ANKS1A: variants seen among roughly 807,000 people sequenced by gnomAD.
ANKS1A encodes ankyrin repeat and sterile alpha motif domain containing 1A, also known as ankyrin repeat and SAM domain-containing protein 1A.
In ANKS1A, 55 loss-of-function variants were observed where a neutral mutation model predicts 120.3. That is an observed-to-expected ratio of 0.46 (90% CI 0.37 to 0.57). The LOEUF is 0.57. ANKS1A is among the 20% of genes least tolerant of loss of function. The probability of loss-of-function intolerance (pLI) is 0.00; values close to 1 mark genes in which losing one functional copy is unlikely to be tolerated. For missense variants in ANKS1A, 1,123 were observed against 1,480.3 expected (o/e 0.76, Z 3.96); for synonymous variants, 590 against 604.7 (o/e 0.98, Z 0.36).
chr6:35,030,836 A>G (rs963513158), intron 11 of ANKS1A, among the ~76,000 whole-genome samples: 1 of 152,150 alleles, frequency 6.6e-6, no homozygotes. Flanking sequence ...CAGGCACGCC[A>G]GTTTCTTCTC....
In ANKS1A at chr6:34,889,525, GGGCGGC is replaced by G. The variant is rs71538280; in HGVS notation, c.133_138del (p.Gly45_Gly46del). 8.7e-4 allele frequency: 1,110 copies of G among 1,272,164 alleles called. 8 individuals carry two copies. The African/African-American group carries it at 0.016, about 18-fold the overall frequency. 78.8% of individuals were successfully genotyped at this position (1,272,164 alleles called of 1,614,324 possible). On this transcript the variant is annotated inframe_deletion, in exon 1 of 24. Transcript: ENST00000360359. The surrounding 1 kb of genome is among the most constrained non-coding windows in gnomAD (Gnocchi z 5.5). ...GGGGCGGCGGCGGCGGTGGCTCTGGGGGCGGCGGCGGCGGCAGCGGCGGCGGCGGCG... is the reference window on the plus strand; with the variant it reads ...GGGGCGGCGGCGGCGGTGGCTCTGGGGGCGGCGGCAGCGGCGGCGGCGGCG...
intron 11 of ANKS1A, among the ~76,000 whole-genome samples, chr6:35,043,973 C>T (rs1775600284): frequency 6.6e-6 from 1 of 152,210 alleles, no homozygotes; most frequent in South Asian, 2.1e-4. Context: ...AAAAAATGAT[C>T]TCATTATTGA....
intron 11 of ANKS1A, among the ~76,000 whole-genome samples, chr6:35,046,954 C>G (rs1422750652): frequency 6.6e-6 from 1 of 152,186 alleles, no homozygotes; most frequent in East Asian, 1.9e-4. Flanking sequence ...GTTTTCCACT[C>G]TAAATTTTGC....
intron 1 of ANKS1A, among the ~76,000 whole-genome samples, chr6:34,936,831 T>C (rs1769281079): frequency 6.6e-6 from 1 of 152,214 alleles, no homozygotes; most frequent in Non-Finnish European, 1.5e-5. Context: ...GGAGCTAAAA[T>C]TCTATAAGAA....
intron 14 of ANKS1A, among the ~76,000 whole-genome samples, chr6:35,079,301 C>A (rs576811145): frequency 2.0e-5 from 3 of 152,130 alleles, no homozygotes; most frequent in African/African-American, 4.8e-5. Flanking sequence ...CCAGCCCTGT[C>A]GGTGCTCCAG....
rs766558758 is a variant in ANKS1A at position 34,981,718 on chromosome 6, G to C, written c.464G>C (p.Cys155Ser). The C allele has an allele frequency of 6.2e-6, 10 of 1,614,058 alleles. No individual in the cohort carries two copies. The highest frequency in any genetic ancestry group is 1.3e-5 in the African/African-American group (1 of 74,896). The part of the protein sequence containing the change: ...QNNDNETALH[C>S]AAQYGHTEVV... ...AATGACAACGAGACAGCCCTGCATT[G>C]TGCAGCGCAGTATGGCCACACAGAG... The change falls in exon 4 of 24, where the codon TGT (cysteine) becomes TCT (serine). Residue 155 changes from cysteine (C) to serine (S), a missense_variant. Physicochemically the swap from Cys to Ser is moderately radical, Grantham distance 112. This residue lies in a region of ANKS1A where 146 missense variants were observed against 267.8 expected (regional missense o/e 0.55). Transcript: ENST00000360359.
chr6:35,073,011 A>G (rs1777156304), intron 13 of ANKS1A, among the ~76,000 whole-genome samples: 1 of 152,190 alleles, frequency 6.6e-6, no homozygotes, highest in African/African-American at 2.4e-5. Flanking sequence ...GGCCTTGGAT[A>G]AGTCCAGTCT....
rs145297691 is a variant in ANKS1A, at chr6:35,066,809, T to C, written c.2184+6556T>C. 7.2e-5 allele frequency among the ~76,000 whole-genome samples: 11 copies of C among 152,264 alleles called. No individual in the cohort carries two copies. In the East Asian group the frequency reaches 2.1e-3, roughly 29 times the overall value. On this transcript the variant is annotated intron_variant, in intron 13 of 23. Transcript: ENST00000360359. ...AGAGCTGTGGGTGGGTCAGGCCAAGTGGTTCCTGCTCCTTCTGCCAGCTGT... is the reference window on the plus strand; with the variant it reads ...AGAGCTGTGGGTGGGTCAGGCCAAGCGGTTCCTGCTCCTTCTGCCAGCTGT...
At chr6:35,070,399 C>T (rs944480865) in intron 13 of ANKS1A, among the ~76,000 whole-genome samples, 11 of 150,866 alleles carry the variant, frequency 7.3e-5, no homozygotes, top group Non-Finnish European at 1.5e-4. Context: ...GAATAGAAAA[C>T]ACTTACCATC....
Position 35,086,139 on chromosome 6 carries a change from G to GCTC in ANKS1A, c.3303+206_3303+208dup. The stretch of plus-strand genomic sequence containing the variant: ...CCTCTGGCCTGGGCGGGCCTCTCAT[G>GCTC]CTCCTGTTTCCCTCCCTCGCTGGGC... On this transcript the variant is annotated intron_variant, in intron 22 of 23. Transcript: ENST00000360359. This position sits in a 1 kb window ranked among gnomAD's most constrained non-coding sequence, Gnocchi z 5.1. 1 of 1,178,684 alleles carries GCTC rather than the reference G, an allele frequency of 8.5e-7. No individual in the cohort carries two copies. The highest frequency in any genetic ancestry group is 1.2e-6 in the Non-Finnish European group (1 of 853,396). The allele number at this position is 1,178,684 out of a possible 1,614,324, so 73.0% of individuals were successfully genotyped here.
intron 1 of ANKS1A, among the ~76,000 whole-genome samples, chr6:34,958,996 G>A (rs977937183): frequency 6.6e-6 from 1 of 152,144 alleles, no homozygotes; most frequent in Admixed American, 6.6e-5. Context: ...ACATTGATTG[G>A]ATTCAACTGG....
intron 13 of ANKS1A, among the ~76,000 whole-genome samples, chr6:35,065,923 C>T: frequency 6.6e-6 from 1 of 152,178 alleles, no homozygotes; most frequent in East Asian, 1.9e-4. Context: ...CCCGCCTCCT[C>T]CCCACCCTGC....
At chr6:34,919,633 T>A (rs1768336694) in intron 1 of ANKS1A, among the ~76,000 whole-genome samples, 1 of 152,180 alleles carries the variant, frequency 6.6e-6, no homozygotes, top group Non-Finnish European at 1.5e-5. Flanking sequence ...CTGTGTGGGT[T>A]CAAATCCCAG....
chr6:35,004,687 G>A (rs113237300), intron 10 of ANKS1A, among the ~76,000 whole-genome samples: 3 of 77,064 alleles, frequency 3.9e-5, no homozygotes, highest in Non-Finnish European at 1.2e-4. Context: ...GGAGGCCAAG[G>A]AAGGCTTACT....
intron 1 of ANKS1A, among the ~76,000 whole-genome samples, chr6:34,910,860 CAAAA>C (rs10715320): frequency 2.5e-5 from 2 of 80,314 alleles, no homozygotes; most frequent in African/African-American, 3.6e-5. Flanking sequence ...AACTCCATCT[CAAAA>C]AAAAAAAAAA....
chr6:35,064,997 C>T (rs570961709), intron 13 of ANKS1A, among the ~76,000 whole-genome samples: 12 of 152,266 alleles, frequency 7.9e-5, no homozygotes, highest in South Asian at 2.1e-4. Flanking sequence ...TGTAATTCCT[C>T]GGTATCCCAG....
chr6:35,040,547 A>G (rs1775404194), intron 11 of ANKS1A, among the ~76,000 whole-genome samples: 1 of 152,230 alleles, frequency 6.6e-6, no homozygotes, highest in Admixed American at 6.5e-5. Flanking sequence ...ATTTTCAGCT[A>G]TGTAGAAGCA....
At chr6:34,918,244 G>A (rs181124615) in intron 1 of ANKS1A, among the ~76,000 whole-genome samples, 100 of 152,324 alleles carry the variant, frequency 6.6e-4, no homozygotes, top group African/African-American at 2.4e-3. Context: ...GGGAGAAGTC[G>A]TGTGTGTAGT....
At position 35,082,559 on chromosome 6, in the gene ANKS1A, G is replaced by GC; in HGVS notation, c.2710-130dup. The GC allele has an allele frequency of 1.7e-6, 2 of 1,177,862 alleles. No homozygotes were observed. The highest frequency in any genetic ancestry group is 2.3e-6 in the Non-Finnish European group (2 of 866,396). The allele number at this position is 1,177,862 out of a possible 1,614,324, so 73.0% of individuals were successfully genotyped here. On this transcript the variant is annotated intron_variant, in intron 17 of 23. Coordinates refer to ENST00000360359, the MANE Select transcript of ANKS1A (RefSeq NM_015245.3). The surrounding 1 kb of genome is among the most constrained non-coding windows in gnomAD (Gnocchi z 4.1). ...TGTTTGAATTGCTGGTCTGCCCCCT[G>GC]CCATCTCCACTCGACCCTTGAACTT...
Sources: allele counts gnomAD v4.1 joint callset (sites outside exome capture counted in the v4.1 genomes callset), GRCh38; gene constraint gnomAD v4.1.1; regional missense constraint gnomAD v4.1.1; non-coding constraint Gnocchi (gnomAD v3.1); transcripts MANE v1.5; gene names NCBI Gene and HGNC (gene_info 2026-07-23, HGNC 2026-07-21).